Variants in ZBTB8OS observed in about 807,000 individuals in gnomAD.
ZBTB8OS encodes the protein tRNA-splicing ligase-activating factor archease.
In ZBTB8OS, 16 loss-of-function variants were observed where a neutral mutation model predicts 29.3. That is an observed-to-expected ratio of 0.55 (90% CI 0.37 to 0.83). The LOEUF (loss-of-function observed/expected upper bound fraction) is 0.83. Among genes scored for constraint, ZBTB8OS ranks in the 40% least tolerant of loss-of-function variants. The pLI is 0.00. For synonymous variants in ZBTB8OS, 70 were observed against 64.6 expected (o/e 1.08, Z -0.40); for missense variants, 160 against 196.9 (o/e 0.81, Z 1.12).
chr1:32,649,895 C>T (rs1408968194), intron 1 of ZBTB8OS, among the ~76,000 whole-genome samples: 1 of 152,038 alleles, frequency 6.6e-6, no homozygotes, highest in Non-Finnish European at 1.5e-5. Flanking sequence ...AACTTCCGAC[C>T]TCAGGTGATC....
At chr1:32,624,103 G>A (rs1644936072) in intron 6 of ZBTB8OS, among the ~76,000 whole-genome samples, 1 of 152,172 alleles carries the variant, frequency 6.6e-6, no homozygotes, top group Admixed American at 6.5e-5. Flanking sequence ...ATGATTGTAA[G>A]TTTCCTGAGG....
chr1:32,626,484 G>A (rs1645142127), intron 6 of ZBTB8OS, among the ~76,000 whole-genome samples: 1 of 152,090 alleles, frequency 6.6e-6, no homozygotes, highest in Admixed American at 6.6e-5. Flanking sequence ...ATAGCCCACA[G>A]GCCAAATTGC....
rs771227233 is a variant in ZBTB8OS, at chr1:32,650,414, A to T, written c.97+19T>A. ...CCTGTGTGCTTACATGTAAAGAGAGAAGTAAGCCACCTACTCACACTCGTA... is the reference window on the plus strand; with the variant it reads ...CCTGTGTGCTTACATGTAAAGAGAGTAGTAAGCCACCTACTCACACTCGTA... On this transcript the variant is annotated intron_variant, in intron 1 of 6. Coordinates refer to ENST00000468695, the MANE Select transcript of ZBTB8OS (RefSeq NM_178547.5). 6.2e-7 allele frequency: 1 copy of T among 1,613,948 alleles called. No homozygotes were observed.
At chr1:32,640,890 T>A (rs1255161525) in intron 1 of ZBTB8OS, among the ~76,000 whole-genome samples, 2 of 151,592 alleles carry the variant, frequency 1.3e-5, no homozygotes, top group East Asian at 3.9e-4. Context: ...CTTTCAAGGG[T>A]GTGGAGGCCC....
At chr1:32,642,526 A>G (rs1366696972) in intron 1 of ZBTB8OS, among the ~76,000 whole-genome samples, 1 of 151,092 alleles carries the variant, frequency 6.6e-6, no homozygotes, top group Non-Finnish European at 1.5e-5. Flanking sequence ...AAAAAAAAAG[A>G]AATGGCCCGG....
intron 1 of ZBTB8OS, among the ~76,000 whole-genome samples, chr1:32,636,848 C>G (rs1646007020): frequency 6.6e-6 from 1 of 151,918 alleles, no homozygotes; most frequent in African/African-American, 2.4e-5. Flanking sequence ...CCCCAAATTT[C>G]CTTTCTTAGA....
At chr1:32,644,265 T>C (rs976917404) in intron 1 of ZBTB8OS, among the ~76,000 whole-genome samples, 2 of 152,110 alleles carry the variant, frequency 1.3e-5, no homozygotes, top group African/African-American at 4.8e-5. Context: ...TATCAGTTAA[T>C]TGCATTCTTG....
chr1:32,627,038 TTC>T (rs1491438907), intron 6 of ZBTB8OS, among the ~76,000 whole-genome samples: 1 of 152,222 alleles, frequency 6.6e-6, no homozygotes, highest in African/African-American at 2.4e-5. Flanking sequence ...GTAGCTGCTC[TTC>T]TGTCATTCTG....
intron 6 of ZBTB8OS, 124 bp from the exon 7 acceptor site, chr1:32,622,072 C>T: frequency 3.0e-6 from 2 of 657,662 alleles, no homozygotes; most frequent in Non-Finnish European, 5.0e-6. Context: ...GAAAAACTCA[C>T]ATGAAACAAT....
At chr1:32,625,247 A>ATAC (rs1032711083) in intron 6 of ZBTB8OS, among the ~76,000 whole-genome samples, 1 of 149,942 alleles carries the variant, frequency 6.7e-6, no homozygotes, top group African/African-American at 2.5e-5. Context: ...AATAATAATA[A>ATAC]TAAAAAAAAC....
chr1:32,642,613 A>G (rs1338352049), intron 1 of ZBTB8OS, among the ~76,000 whole-genome samples: 1 of 149,678 alleles, frequency 6.7e-6, no homozygotes, highest in African/African-American at 2.5e-5. Flanking sequence ...TTTCTTCCAG[A>G]CCCTCCCAAT....
Position 32,634,783 on chromosome 1 carries a change from T to G in ZBTB8OS, c.107A>C (p.His36Pro), listed in dbSNP as rs1339175880. 6.2e-7 allele frequency: 1 copy of G among 1,613,298 alleles called. No homozygotes were observed. Among genetic ancestry groups the G allele is most frequent in the Non-Finnish European group, 8.5e-7 (1 of 1,179,232 alleles). ...PVNRKYEYLD[H>P]TADVQLHAWG... is the part of the protein sequence containing the mutation. ...CTATACTCACTGGACATCTGCTGTA[T>G]GATCCAAATCTGAGGGACAGAGGGA... is the stretch of plus-strand genomic sequence containing the variant. Residue 36 changes from histidine (H) to proline (P), a missense_variant, in exon 2 of 7, where the codon CAT becomes CCT. Coordinates refer to ENST00000468695, the MANE Select transcript of ZBTB8OS (RefSeq NM_178547.5).
chr1:32,628,978 A>C (rs1463023153), intron 5 of ZBTB8OS, among the ~76,000 whole-genome samples: 1 of 152,184 alleles, frequency 6.6e-6, no homozygotes, highest in Non-Finnish European at 1.5e-5. Flanking sequence ...CTTTAAAAAA[A>C]GGTTGATAGT....
intron 1 of ZBTB8OS, 113 bp from the exon 2 acceptor site, chr1:32,634,905 A>C (rs1645839357): frequency 1.2e-6 from 1 of 813,664 alleles, no homozygotes; most frequent in South Asian, 1.4e-5. Flanking sequence ...AAGAGCAAGA[A>C]AATGTGGGCC....
At chr1:32,629,101 T>C (rs763524625) in intron 5 of ZBTB8OS, among the ~76,000 whole-genome samples, 21 of 152,044 alleles carry the variant, frequency 1.4e-4, no homozygotes, top group Non-Finnish European at 2.4e-4. Context: ...AAATTTTTAC[T>C]ATCCTCAGTT....
intron 5 of ZBTB8OS, 96 bp downstream of exon 5, chr1:32,631,731 G>T: frequency 1.1e-6 from 1 of 872,848 alleles, no homozygotes; most frequent in Middle Eastern, 2.2e-4. Context: ...ATCTGCAAGT[G>T]GCCCTCTGAT....
chr1:32,644,473 A>G (rs1646677567), intron 1 of ZBTB8OS, among the ~76,000 whole-genome samples: 2 of 152,016 alleles, frequency 1.3e-5, no homozygotes, highest in Admixed American at 6.6e-5. Flanking sequence ...CAGCCTCCCA[A>G]AGTGTTGGGA....
At chr1:32,637,728 C>A (rs1004064253) in intron 1 of ZBTB8OS, among the ~76,000 whole-genome samples, 1 of 152,130 alleles carries the variant, frequency 6.6e-6, no homozygotes, top group Non-Finnish European at 1.5e-5. Flanking sequence ...GTGATGAACA[C>A]GTTCTATAGA....
At position 32,644,200 on chromosome 1, in the gene ZBTB8OS, G is replaced by A. The variant is rs529929623; in HGVS notation, c.97+6233C>T. Among the ~76,000 whole-genome samples the A allele has an allele frequency of 4.6e-5, 7 of 152,268 alleles. No homozygotes were observed. In the South Asian group the frequency reaches 1.5e-3, roughly 32 times the overall value. ...AGGTGATAGATCCGGGGCTTTGGGC[G>A]TTTATCAATCGGACGAATTCCTGGG... On this transcript the variant is annotated intron_variant, in intron 1 of 6. Coordinates refer to ENST00000468695, the MANE Select transcript of ZBTB8OS (RefSeq NM_178547.5).
Sources: gnomAD v4.1 joint callset for allele counts (sites outside exome capture counted in the v4.1 genomes callset) on GRCh38, gnomAD v4.1.1 for gene constraint, MANE v1.5 for transcripts, NCBI Gene and HGNC (gene_info 2026-07-23, HGNC 2026-07-21) for gene names.